Variants in SKP2 observed in about 807,000 individuals in gnomAD.
The protein encoded by SKP2 is S-phase kinase-associated protein 2.
SKP2 carries 16 observed loss-of-function variants against 51.8 expected under a neutral mutation model. The ratio of observed to expected loss-of-function variants is 0.31; its 90% CI spans 0.21 to 0.47. The LOEUF (loss-of-function observed/expected upper bound fraction) is 0.47, where lower values mean the gene tolerates loss of function less well. Ranked by LOEUF, SKP2 falls within the 20% of genes least tolerant of loss-of-function variation. The pLI is 1.00. For synonymous variants in SKP2, 176 were observed against 198.6 expected (o/e 0.89, Z 0.96); for missense variants, 377 against 505.3 (o/e 0.75, Z 2.43).
At chr5:36,160,413 T>A (rs1296541724) in intron 2 of SKP2, among the ~76,000 whole-genome samples, 1 of 152,196 alleles carries the variant, frequency 6.6e-6, no homozygotes, top group Non-Finnish European at 1.5e-5. Context: ...GCACCCTGAA[T>A]CCTGCTGTAG....
At position 36,152,866 on chromosome 5, in the gene SKP2, G is replaced by T; in HGVS notation, c.104G>T (p.Gly35Val). The T allele has an allele frequency of 6.2e-7, 1 of 1,614,068 alleles. No homozygotes were observed. Among genetic ancestry groups the T allele is most frequent in the Non-Finnish European group, 8.5e-7 (1 of 1,180,014 alleles). Residue 35 changes from glycine to valine, a missense_variant, in exon 2 of 10, where the codon GGC becomes GTC. Physicochemically the swap from Gly to Val is moderately radical, Grantham distance 109. Transcript: ENST00000274255. ...DSSKTSELLS[G>V]MGVSALEKEE... is the part of the protein sequence containing the mutation. Reference sequence around the variant, plus strand: ...AGCAAGACTTCTGAACTGCTGTCAGGCATGGGGGTCTCCGCCCTGGAGAAA... The same window carrying T: ...AGCAAGACTTCTGAACTGCTGTCAGTCATGGGGGTCTCCGCCCTGGAGAAA...
intron 2 of SKP2, among the ~76,000 whole-genome samples, chr5:36,153,533 T>C (rs1446420605): frequency 6.6e-6 from 1 of 152,154 alleles, no homozygotes; most frequent in Non-Finnish European, 1.5e-5. Context: ...TCTCCTGGTA[T>C]GTTCTGTCTC....
intron 2 of SKP2, among the ~76,000 whole-genome samples, chr5:36,156,935 T>A (rs926699964): frequency 3.9e-5 from 6 of 152,166 alleles, no homozygotes; most frequent in African/African-American, 1.4e-4. Flanking sequence ...TTTTTTTTTT[T>A]AACCAGTAAG....
At chr5:36,172,336 A>G (rs1484539388) in intron 7 of SKP2, among the ~76,000 whole-genome samples, 4 of 152,252 alleles carry the variant, frequency 2.6e-5, no homozygotes, top group African/African-American at 9.6e-5. Flanking sequence ...GGCAACGAGG[A>G]TTTTTAGATG....
intron 9 of SKP2, among the ~76,000 whole-genome samples, chr5:36,180,740 G>A (rs1745780319): frequency 6.6e-6 from 1 of 152,098 alleles, no homozygotes; most frequent in South Asian, 2.1e-4. Context: ...ATATAGAATA[G>A]GCTAGAAGGA....
chr5:36,184,863 G>T (rs1330929181), downstream of SKP2, among the ~76,000 whole-genome samples: 1 of 152,198 alleles, frequency 6.6e-6, no homozygotes, highest in African/African-American at 2.4e-5. Flanking sequence ...GGTTGTACCA[G>T]TTTACAGTCC....
intron 2 of SKP2, among the ~76,000 whole-genome samples, chr5:36,156,169 C>T (rs1744939184): frequency 6.6e-6 from 1 of 152,110 alleles, no homozygotes; most frequent in Non-Finnish European, 1.5e-5. Context: ...ACAGAGATTG[C>T]TTAATTGGTG....
chr5:36,158,499 G>A (rs910691992), intron 2 of SKP2, among the ~76,000 whole-genome samples: 1 of 152,134 alleles, frequency 6.6e-6, no homozygotes, highest in East Asian at 1.9e-4. Flanking sequence ...AAGAGCACTG[G>A]GTACTTGGCT....
Position 36,152,135 on chromosome 5 carries a change from T to G in SKP2, c.-128T>G. 1.1e-6 allele frequency: 1 copy of G among 949,876 alleles called. No individual in the cohort carries two copies. The highest frequency in any genetic ancestry group is 1.7e-6 in the Non-Finnish European group (1 of 586,842). 58.8% of individuals were successfully genotyped at this position (949,876 alleles called of 1,614,324 possible). On this transcript the variant is annotated 5_prime_UTR_variant, in exon 1 of 10. Transcript: ENST00000274255. ...CAGTGGGGATGGAACGTTGCTAGGC[T>G]TAGCGGGTCTGGCTGCTGGGGGCCC...
At chr5:36,170,957 G>GT (rs754307812) in intron 6 of SKP2, among the ~76,000 whole-genome samples, 4 of 152,300 alleles carry the variant, frequency 2.6e-5, no homozygotes, top group African/African-American at 9.6e-5. Context: ...GCATATGTGT[G>GT]TTTTTTAAAA....
rs149296122 is a variant in SKP2 at position 36,166,434 on chromosome 5, G to A, written c.393-85G>A. ...TATGCTTCAAGGAGATTTAGCAGCA[G>A]TGTCCTACCTGTTAGTAATGTTGTT... On this transcript the variant is annotated intron_variant, in intron 3 of 9. Coordinates refer to ENST00000274255, the MANE Select transcript of SKP2 (RefSeq NM_005983.4). The A allele has an allele frequency of 4.5e-4, 517 of 1,140,770 alleles. 6 individuals carry two copies. The East Asian group carries it at 0.011, about 25-fold the overall frequency. 70.7% of individuals were successfully genotyped at this position (1,140,770 alleles called of 1,614,324 possible).
chr5:36,173,239 TC>T (rs1349157081), intron 7 of SKP2, among the ~76,000 whole-genome samples: 1 of 152,148 alleles, frequency 6.6e-6, no homozygotes, highest in Admixed American at 6.5e-5. Context: ...TTCAGAATCT[TC>T]CCAGTTTTTC....
intron 3 of SKP2, 72 bp downstream of exon 3, chr5:36,163,828 C>A: frequency 1.9e-6 from 2 of 1,027,224 alleles, no homozygotes; most frequent in Non-Finnish European, 3.0e-6. Flanking sequence ...TCGTTTTGGT[C>A]TGATGAAACT....
At chr5:36,175,994 A>G (rs1745621212) in intron 7 of SKP2, among the ~76,000 whole-genome samples, 2 of 152,058 alleles carry the variant, frequency 1.3e-5, no homozygotes, top group South Asian at 4.1e-4. Context: ...AGCAGGAATC[A>G]GTTCACTATC....
chr5:36,157,258 A>G (rs1744980848), intron 2 of SKP2, among the ~76,000 whole-genome samples: 1 of 152,220 alleles, frequency 6.6e-6, no homozygotes, highest in Admixed American at 6.5e-5. Flanking sequence ...AATACTGAAC[A>G]TAACAGGCAA....
intron 2 of SKP2, among the ~76,000 whole-genome samples, chr5:36,157,912 T>C (rs1209564476): frequency 6.6e-6 from 1 of 152,174 alleles, no homozygotes; most frequent in Non-Finnish European, 1.5e-5. Flanking sequence ...ACTGCAAAGA[T>C]GGAATGCATA....
intron 2 of SKP2, among the ~76,000 whole-genome samples, chr5:36,162,310 C>T (rs537990688): frequency 6.6e-6 from 1 of 152,186 alleles, no homozygotes; most frequent in Non-Finnish European, 1.5e-5. Flanking sequence ...ACATGCTGTT[C>T]CTTGGATCTA....
At chr5:36,187,442 C>G (rs879350586), downstream of SKP2, among the ~76,000 whole-genome samples, 17 of 150,820 alleles carry the variant, frequency 1.1e-4, no homozygotes, top group Non-Finnish European at 1.9e-4. Flanking sequence ...TGTCTTTGTT[C>G]TCATTCGTTT....
chr5:36,192,519 CAA>C (rs1448851988), intron 6 of SKP2: 3 of 150,766 alleles, frequency 2.0e-5, no homozygotes, highest in Non-Finnish European at 4.4e-5. Context: ...TTTTTCAACT[CAA>C]GTGGATATTT....
Sources: allele counts gnomAD v4.1 joint callset (sites outside exome capture counted in the v4.1 genomes callset), GRCh38; gene constraint gnomAD v4.1.1; transcripts MANE v1.5; gene names NCBI Gene and HGNC (gene_info 2026-07-23, HGNC 2026-07-21).